Variants in RNF121 observed in about 807,000 individuals in gnomAD.
RNF121 encodes E3 ubiquitin ligase RNF121.
RNF121 carries 21 observed loss-of-function variants against 46.5 expected under a neutral mutation model. The ratio of observed to expected loss-of-function variants is 0.45; its 90% CI spans 0.32 to 0.65. RNF121 has a LOEUF of 0.65. Among genes scored for constraint, RNF121 ranks in the 30% least tolerant of loss-of-function variants. The pLI, the probability that RNF121 is intolerant of heterozygous loss-of-function variation, is 0.04. For missense variants in RNF121, 346 were observed against 416.0 expected, an observed-to-expected ratio of 0.83 and a Z score of 1.46; for synonymous variants, 139 against 144.7, an observed-to-expected ratio of 0.96 and a Z score of 0.28.
intron 3 of RNF121, among the ~76,000 whole-genome samples, chr11:71,963,897 C>T (rs1455810414): frequency 1.3e-5 from 2 of 152,210 alleles, no homozygotes; most frequent in East Asian, 3.8e-4. Context: ...GCAGGTACCA[C>T]ATTGTTATGA....
intron 4 of RNF121, among the ~76,000 whole-genome samples, chr11:71,983,428 C>T (rs1954705428): frequency 6.6e-6 from 1 of 152,326 alleles, no homozygotes; most frequent in East Asian, 1.9e-4. Flanking sequence ...TAGTAGCCTG[C>T]TCTGAATTTT....
intron 4 of RNF121, among the ~76,000 whole-genome samples, chr11:71,985,632 CT>C (rs1179401181): frequency 6.6e-6 from 1 of 152,204 alleles, no homozygotes; most frequent in African/African-American, 2.4e-5. Flanking sequence ...AGGACCTTGA[CT>C]TTCCTCCCTA....
chr11:71,955,517 C>G (rs566657368), intron 1 of RNF121, among the ~76,000 whole-genome samples: 1 of 152,198 alleles, frequency 6.6e-6, no homozygotes, highest in African/African-American at 2.4e-5. Context: ...GCTAGGGAAT[C>G]AGGAAAGTTG....
intron 3 of RNF121, among the ~76,000 whole-genome samples, chr11:71,973,514 C>T (rs956966072): frequency 2.0e-5 from 3 of 150,312 alleles, no homozygotes; most frequent in Admixed American, 6.6e-5. Context: ...AGGCCGGGCG[C>T]GGTGGCTCAT....
intron 1 of RNF121, among the ~76,000 whole-genome samples, chr11:71,954,683 T>C (rs1953952730): frequency 6.6e-6 from 1 of 152,232 alleles, no homozygotes; most frequent in South Asian, 2.1e-4. Context: ...AGAGGCACCT[T>C]CATGCCTGGC....
chr11:71,940,768 A>G (rs1289135347), intron 1 of RNF121, among the ~76,000 whole-genome samples: 1 of 152,252 alleles, frequency 6.6e-6, no homozygotes, highest in Non-Finnish European at 1.5e-5. Flanking sequence ...TAGTGTCAGC[A>G]TGTGTTAAGT....
chr11:71,982,778 G>C lies in RNF121; in HGVS notation c.261G>C (p.Gln87His). 1 of 1,611,816 alleles carries C rather than the reference G, an allele frequency of 6.2e-7. No homozygotes were observed. ...PRSYNMVTLF[Q>H]MWVVPLYFTV... Reference sequence around the variant, plus strand: ...TGTTTCAGATGGTGACCCTCTTTCAGATGTGGGTTGTTCCCCTCTATTTCA... The same window carrying C: ...TGTTTCAGATGGTGACCCTCTTTCACATGTGGGTTGTTCCCCTCTATTTCA... Residue 87 changes from glutamine (Q) to histidine (H), a missense_variant, in exon 4 of 9, where the codon CAG becomes CAC. This residue lies in a region of RNF121 where 286 missense variants were observed against 383.8 expected (regional missense o/e 0.75). Transcript: ENST00000361756.
chr11:71,957,209 GGT>G lies in RNF121; in HGVS notation c.64-16_64-15del. ...TTTTAAGACAGTAACGGATTTTTCT[GGT>G]GGTGTCTTTCTACAGGTTGATATGT... On this transcript the variant is annotated splice_polypyrimidine_tract_variant and intron_variant, in intron 1 of 8. Transcript: ENST00000361756. 1 of 1,567,962 alleles carries G rather than the reference GGT, an allele frequency of 6.4e-7. No individual in the cohort carries two copies.
chr11:71,960,010 G>A (rs567758981), intron 2 of RNF121, among the ~76,000 whole-genome samples: 1 of 152,292 alleles, frequency 6.6e-6, no homozygotes, highest in South Asian at 2.1e-4. Flanking sequence ...CTTAGAACAA[G>A]TTTTTAGCCA....
chr11:71,962,221 C>G (rs770183445), intron 3 of RNF121: 45 of 436,294 alleles, frequency 1.0e-4, no homozygotes, highest in Non-Finnish European at 1.2e-4. Flanking sequence ...GCCTCGGCCT[C>G]CCAAAGTGCT....
chr11:71,984,745 ATTTTTTTTTTTTT>A (rs56134788), intron 4 of RNF121, among the ~76,000 whole-genome samples: 1 of 94,866 alleles, frequency 1.1e-5, no homozygotes, highest in East Asian at 2.9e-4. Context: ...CACCCGGCTA[ATTTTTTTTTTTTT>A]TTTTTTTTTT....
chr11:71,957,081 T>C (rs1954005074), intron 1 of RNF121, 146 bp from the exon 2 acceptor site: 2 of 721,352 alleles, frequency 2.8e-6, no homozygotes, highest in Admixed American at 2.0e-5. Flanking sequence ...CAGTGTGAAA[T>C]AGAATGGTTG....
At chr11:71,986,684 G>A (rs7931163) in intron 4 of RNF121, among the ~76,000 whole-genome samples, 2,570 of 149,716 alleles carry the variant, frequency 0.017, 77 homozygotes, top group African/African-American at 0.06. Flanking sequence ...CAGAAGAATC[G>A]CTTGAACTCA....
chr11:71,990,382 G>A (rs760017952), intron 5 of RNF121, among the ~76,000 whole-genome samples: 1 of 152,216 alleles, frequency 6.6e-6, no homozygotes, highest in African/African-American at 2.4e-5. Flanking sequence ...CTGTAGCTTG[G>A]TCTTCACAGC....
chr11:71,968,393 T>C (rs938018466), intron 3 of RNF121, among the ~76,000 whole-genome samples: 1 of 152,194 alleles, frequency 6.6e-6, no homozygotes, highest in Non-Finnish European at 1.5e-5. Flanking sequence ...CTAAGTACTC[T>C]ATTGTTTGCT....
At chr11:71,987,954 C>T (rs1437139117) in intron 5 of RNF121, among the ~76,000 whole-genome samples, 1 of 152,198 alleles carries the variant, frequency 6.6e-6, no homozygotes, top group Non-Finnish European at 1.5e-5. Flanking sequence ...TGTCGCAGTC[C>T]AGATGTGTTG....
At chr11:71,954,402 C>T (rs1270280327) in intron 1 of RNF121, among the ~76,000 whole-genome samples, 1 of 152,200 alleles carries the variant, frequency 6.6e-6, no homozygotes, top group African/African-American at 2.4e-5. Flanking sequence ...AGTCTAGTCT[C>T]AGCCTTAGTT....
chr11:71,955,277 G>A (rs1345041977), intron 1 of RNF121, among the ~76,000 whole-genome samples: 1 of 152,142 alleles, frequency 6.6e-6, no homozygotes, highest in East Asian at 1.9e-4. Context: ...GATAACATGA[G>A]ACTGAATGAC....
At chr11:71,976,610 G>A (rs867075414) in intron 3 of RNF121, among the ~76,000 whole-genome samples, 5 of 151,882 alleles carry the variant, frequency 3.3e-5, no homozygotes, top group Admixed American at 1.3e-4. Context: ...TGCCTGCCTC[G>A]GCCTCCCAAA....
Sources: allele counts gnomAD v4.1 joint callset (sites outside exome capture counted in the v4.1 genomes callset), GRCh38; gene constraint gnomAD v4.1.1; regional missense constraint gnomAD v4.1.1; transcripts MANE v1.5; gene names NCBI Gene and HGNC (gene_info 2026-07-23, HGNC 2026-07-21).